Variants in NOX4 observed in about 807,000 individuals in gnomAD.
The protein encoded by NOX4 is kidney oxidase-1.
A neutral mutation model predicts 87.6 loss-of-function variants in NOX4; 69 were observed. The ratio of observed to expected loss-of-function variants is 0.79; its 90% CI spans 0.65 to 0.96. The LOEUF (loss-of-function observed/expected upper bound fraction) is 0.96, where lower values mean the gene tolerates loss of function less well. Among genes scored for constraint, NOX4 ranks in the 40% least tolerant of loss-of-function variants. The probability of loss-of-function intolerance (pLI) is 0.00; values close to 1 mark genes in which losing one functional copy is unlikely to be tolerated. For missense variants in NOX4, 680 were observed against 681.5 expected, an observed-to-expected ratio of 1.00 and a Z score of 0.02; for synonymous variants, 275 against 238.2, an observed-to-expected ratio of 1.15 and a Z score of -1.42.
intron 2 of NOX4, among the ~76,000 whole-genome samples, chr11:89,471,217 TA>T (rs1945924509): frequency 6.6e-6 from 1 of 152,174 alleles, no homozygotes; most frequent in African/African-American, 2.4e-5. Context: ...TTTACGTATT[TA>T]TCTCCTTGTC....
chr11:89,490,592 G>A, intron 1 of NOX4, 39 bp from the exon 2 acceptor site: 8 of 1,439,630 alleles, frequency 5.6e-6, no homozygotes, highest in South Asian at 1.1e-5. Flanking sequence ...AACAAAAATT[G>A]AAAATAATTA....
At chr11:89,344,465 G>T (rs1168396662) in intron 13 of NOX4, among the ~76,000 whole-genome samples, 7 of 152,142 alleles carry the variant, frequency 4.6e-5, no homozygotes, top group African/African-American at 1.7e-4. Context: ...CAGGAGGATG[G>T]CTTGAGTCCA....
chr11:89,361,488 A>G lies in NOX4; in HGVS notation c.1136-6445T>C, dbSNP rs1182696932. Among the ~76,000 whole-genome samples the G allele has an allele frequency of 1.3e-5, 2 of 152,064 alleles. 1 individual carries two copies. Among genetic ancestry groups the G allele is most frequent in the South Asian group, 4.1e-4 (2 of 4,826 alleles). On this transcript the variant is annotated intron_variant, in intron 12 of 17. Coordinates refer to ENST00000263317, the MANE Select transcript of NOX4 (RefSeq NM_016931.5). ...TTAGAAGTCGGGTGAGGGATAAAAA[A>G]CTACATATTGGGTACAGTGTACATT...
intron 2 of NOX4, among the ~76,000 whole-genome samples, chr11:89,457,995 C>T (rs1434307109): frequency 6.6e-6 from 1 of 152,150 alleles, no homozygotes; most frequent in Non-Finnish European, 1.5e-5. Context: ...AAGCAATTTA[C>T]AGATTCAATA....
At chr11:89,548,190 G>A in the NOX4 span, 5 of 152,114 alleles carry the variant, frequency 3.3e-5, no homozygotes, top group Non-Finnish European at 7.3e-5. Context: ...CCTACTCCCA[G>A]TGCGATGGCA....
At chr11:89,384,096 G>C (rs12419547) in intron 11 of NOX4, among the ~76,000 whole-genome samples, 8,904 of 152,102 alleles carry the variant, frequency 0.059, 466 homozygotes, top group Admixed American at 0.15. Flanking sequence ...AACCAGACAA[G>C]TCTTACAAGT....
chr11:89,400,221 A>C lies in NOX4; in HGVS notation c.1005T>G (p.Pro335=). The C allele has an allele frequency of 1.2e-6, 2 of 1,612,394 alleles. No homozygotes were observed. The highest frequency in any genetic ancestry group is 8.5e-7 in the Non-Finnish European group (1 of 1,179,050). Residue 335 remains proline (P), a synonymous_variant, in exon 10 of 18, where the codon CCT becomes CCG. Transcript: ENST00000263317. ...TTGCTGACCACTGACTCACCTGACC[A>C]GGTCTTGCTTTAAAATTTTCTTTGA... ...RMVKENFKAR[P]GQYITLHCPS...
the NOX4 span, among the ~76,000 whole-genome samples, chr11:89,579,966 TA>T: frequency 6.6e-6 from 1 of 151,356 alleles, no homozygotes; most frequent in Non-Finnish European, 1.5e-5. Flanking sequence ...GTCTGTGAAA[TA>T]AAATTTCCAA....
chr11:89,449,362 C>T, intron 4 of NOX4, 78 bp downstream of exon 4: 2 of 1,072,180 alleles, frequency 1.9e-6, no homozygotes, highest in Non-Finnish European at 2.7e-6. Flanking sequence ...TTTCTCTGAT[C>T]ATTCTGTGTA....
At chr11:89,427,589 A>G (rs1317741972) in intron 7 of NOX4, among the ~76,000 whole-genome samples, 4 of 152,236 alleles carry the variant, frequency 2.6e-5, no homozygotes, top group Non-Finnish European at 5.9e-5. Flanking sequence ...AAGCTTCAGT[A>G]GCCGATTCAA....
chr11:89,440,844 A>G (rs1944425418), intron 5 of NOX4, 129 bp from the exon 6 acceptor site: 2 of 491,078 alleles, frequency 4.1e-6, no homozygotes, highest in South Asian at 7.0e-5. Flanking sequence ...AACGGAAGTG[A>G]GAAAGACTCG....
In NOX4 at chr11:89,449,445, A is replaced by G. The variant is rs1565307704; in HGVS notation, c.344T>C (p.Phe115Ser). ...ATATCTTGTGGCTTTCTCACCTGAG[A>G]AAATACAGATAGTAACACCACAGGT... ...HITCGVTICI[F>S]SGVHVAAHLV... The change falls in exon 4 of 18, where the codon TTC (phenylalanine) becomes TCC (serine). Residue 115 changes from phenylalanine to serine, a missense_variant. Phe to Ser is a radical substitution (Grantham distance 155). Transcript: ENST00000263317. 6.2e-7 allele frequency: 1 copy of G among 1,602,862 alleles called. No individual in the cohort carries two copies. The highest frequency in any genetic ancestry group is 8.5e-7 in the Non-Finnish European group (1 of 1,173,370).
the NOX4 span, among the ~76,000 whole-genome samples, chr11:89,550,574 C>T: frequency 6.6e-6 from 1 of 151,990 alleles, no homozygotes; most frequent in Non-Finnish European, 1.5e-5. Context: ...TCATATGTTT[C>T]TTGGCCACAT....
At chr11:89,352,045 G>A (rs1946478583) in intron 13 of NOX4, among the ~76,000 whole-genome samples, 1 of 152,186 alleles carries the variant, frequency 6.6e-6, no homozygotes, top group South Asian at 2.1e-4. Context: ...TTAAAAGTGG[G>A]AGCTAGATGA....
At chr11:89,369,025 G>A (rs1264230377) in intron 12 of NOX4, among the ~76,000 whole-genome samples, 2 of 151,620 alleles carry the variant, frequency 1.3e-5, no homozygotes, top group African/African-American at 4.8e-5. Context: ...CTCATTTATG[G>A]AGCTATTTTA....
chr11:89,403,639 G>A (rs746828060), intron 8 of NOX4, among the ~76,000 whole-genome samples: 5 of 152,124 alleles, frequency 3.3e-5, no homozygotes, highest in Non-Finnish European at 7.4e-5. Flanking sequence ...CTACTTGGGA[G>A]GCTGAGGCAG....
At chr11:89,544,514 G>A in the NOX4 span, among the ~76,000 whole-genome samples, 1 of 152,000 alleles carries the variant, frequency 6.6e-6, no homozygotes, top group Non-Finnish European at 1.5e-5. Flanking sequence ...AGTAAAAGAG[G>A]CATTTAAAAG....
chr11:89,432,964 A>G (rs1203411474), intron 6 of NOX4, 108 bp from the exon 7 acceptor site: 21 of 711,418 alleles, frequency 3.0e-5, no homozygotes, highest in Middle Eastern at 2.4e-4. Flanking sequence ...TGGGAAGCCT[A>G]ATTCAAATCC....
chr11:89,415,536 T>C (rs1306236559), intron 8 of NOX4, among the ~76,000 whole-genome samples: 8 of 152,142 alleles, frequency 5.3e-5, no homozygotes, highest in Non-Finnish European at 7.4e-5. Context: ...CGGTATCTAA[T>C]GAAAGTTGAG....
Sources: gnomAD v4.1 joint callset for allele counts (sites outside exome capture counted in the v4.1 genomes callset) on GRCh38, gnomAD v4.1.1 for gene constraint, MANE v1.5 for transcripts, NCBI Gene and HGNC (gene_info 2026-07-23, HGNC 2026-07-21) for gene names.